CSRNP2: variants seen among roughly 807,000 people sequenced by gnomAD.
The protein encoded by CSRNP2 is cysteine and serine rich nuclear protein 2.
In CSRNP2, 11 loss-of-function variants were observed where a neutral mutation model predicts 36.6. The observed-to-expected ratio is 0.30, with a 90% CI of 0.19 to 0.50. The LOEUF (loss-of-function observed/expected upper bound fraction) is 0.50, where lower values mean the gene tolerates loss of function less well. CSRNP2 is among the 20% of genes least tolerant of loss of function. The pLI, the probability that CSRNP2 is intolerant of heterozygous loss-of-function variation, is 0.98. For missense variants in CSRNP2, 483 were observed against 691.4 expected, an observed-to-expected ratio of 0.70 and a Z score of 3.38; for synonymous variants, 248 against 275.3, an observed-to-expected ratio of 0.90 and a Z score of 0.98.
chr12:51,075,995 G>A (rs1939382503), intron 2 of CSRNP2, among the ~76,000 whole-genome samples: 1 of 152,102 alleles, frequency 6.6e-6, no homozygotes, highest in South Asian at 2.1e-4. Context: ...AGGTTGCAGT[G>A]AGCTGAGATC....
chr12:51,076,106 A>G (rs1349878434), intron 2 of CSRNP2, among the ~76,000 whole-genome samples: 1 of 152,180 alleles, frequency 6.6e-6, no homozygotes, highest in Non-Finnish European at 1.5e-5. Flanking sequence ...AAGCATTTAT[A>G]TCCTGCTACA....
chr12:51,079,144 G>A (rs1361767083), intron 1 of CSRNP2, among the ~76,000 whole-genome samples: 13 of 152,004 alleles, frequency 8.6e-5, no homozygotes, highest in African/African-American at 2.7e-4. Flanking sequence ...AACACCGCAC[G>A]TTCTCACTCA....
At chr12:51,082,665 G>T (rs1234113789) in intron 1 of CSRNP2, 2 of 152,134 alleles carry the variant, frequency 1.3e-5, no homozygotes, top group Non-Finnish European at 2.9e-5. Context: ...CACTAAAAGG[G>T]ACGGGTGGCA....
At chr12:51,072,682 G>C (rs186400037) in intron 3 of CSRNP2, among the ~76,000 whole-genome samples, 1 of 149,646 alleles carries the variant, frequency 6.7e-6, no homozygotes, top group East Asian at 2.1e-4. Flanking sequence ...GGCAGGCACA[G>C]TATTATACAA....
At chr12:51,080,351 TCCACGGTCTTAAC>T (rs1939593679) in intron 1 of CSRNP2, among the ~76,000 whole-genome samples, 1 of 152,142 alleles carries the variant, frequency 6.6e-6, no homozygotes, top group Non-Finnish European at 1.5e-5. Flanking sequence ...ACTACAATTC[TCCACGGTCTTAAC>T]CCAGCTGCCC....
chr12:51,066,032 ACAAGGGGCCAGG>A (rs947628870), intron 4 of CSRNP2, among the ~76,000 whole-genome samples: 16 of 152,218 alleles, frequency 1.1e-4, no homozygotes, highest in African/African-American at 3.9e-4. Context: ...CAGAGGGCCA[ACAAGGGGCCAGG>A]CACGGTGGCT....
At position 51,064,532 on chromosome 12, in the gene CSRNP2, C is replaced by T. The variant is rs1421373067; in HGVS notation, c.846G>A (p.Arg282=). The change falls in exon 5 of 5, where the codon CGG becomes CGA. Residue 282 remains arginine, a synonymous_variant. Coordinates refer to ENST00000228515, the MANE Select transcript of CSRNP2 (RefSeq NM_030809.3). ...CTGGGGCTGCTGGGCGGCTCACCTG[C>T]CGCTTGCTCTCCAGCTCCAGCTTCA... The part of the protein sequence containing the change: ...TIMKLELESK[R]QVSRPAAPDE... The T allele has an allele frequency of 3.1e-6, 5 of 1,613,428 alleles. No homozygotes were observed. Among genetic ancestry groups the T allele is most frequent in the Middle Eastern group, 1.7e-4 (1 of 6,058 alleles).
At chr12:51,073,779 G>T (rs756203931) in intron 3 of CSRNP2, 44 bp downstream of exon 3, 2 of 1,560,814 alleles carry the variant, frequency 1.3e-6, no homozygotes, top group Non-Finnish European at 1.7e-6. Flanking sequence ...GAACCTAAAT[G>T]GTTTCCTACA....
chr12:51,068,030 C>T (rs1938572584), intron 3 of CSRNP2, 61 bp from the exon 4 acceptor site: 1 of 1,504,028 alleles, frequency 6.6e-7, no homozygotes, highest in Non-Finnish European at 9.2e-7. Context: ...TCCTCAGTGA[C>T]CATCCCAGAG....
Position 51,064,012 on chromosome 12 carries a change from CAG to C in CSRNP2, c.1364_1365del (p.Pro455ArgfsTer8). 1.2e-6 allele frequency: 2 copies of C among 1,614,196 alleles called. No homozygotes were observed. Among genetic ancestry groups the C allele is most frequent in the South Asian group, 1.1e-5 (1 of 91,084 alleles). ...KEKDLNVFSLPVTSLVACSST... is the reference protein window; with the variant it reads ...KEKDLNVFSLXVTSLVACSST... Reference sequence around the variant, plus strand: ...GAGCTACAAGCCACGAGTGAGGTAACAGGGAGAGAGAAGACATTCAGATCCTT... The same window carrying C: ...GAGCTACAAGCCACGAGTGAGGTAACGGAGAGAGAAGACATTCAGATCCTT... On this transcript the variant is annotated frameshift_variant, in exon 5 of 5. Coordinates refer to ENST00000228515, the MANE Select transcript of CSRNP2 (RefSeq NM_030809.3). LOFTEE classifies it high-confidence loss of function.
Position 51,063,769 on chromosome 12 carries a change from A to T in CSRNP2, c.1609T>A (p.Leu537Ile), listed in dbSNP as rs1199028991. The change falls in exon 5 of 5, where the codon TTA (leucine) becomes ATA (isoleucine). Residue 537 changes from leucine (L) to isoleucine (I), a missense_variant. By Grantham distance (5) the Leu-to-Ile change is conservative. Coordinates refer to ENST00000228515, the MANE Select transcript of CSRNP2 (RefSeq NM_030809.3). Reference sequence around the variant, plus strand: ...TGTCACACTGCCAGAGGGAGTTCTAAGGAAGAATCTTCAGGGGGCCGATCC... The same window carrying T: ...TGTCACACTGCCAGAGGGAGTTCTATGGAAGAATCTTCAGGGGGCCGATCC... ...NEDRPPEDSSLELPLAV is the reference protein window; with the variant it reads ...NEDRPPEDSSIELPLAV 1.3e-6 allele frequency: 2 copies of T among 1,574,302 alleles called. No homozygotes were observed. The highest frequency in any genetic ancestry group is 1.2e-5 in the South Asian group (1 of 86,108).
At position 51,067,150 on chromosome 12, in the gene CSRNP2, G is replaced by A. The variant is rs1009968798; in HGVS notation, c.708+523C>T. ...CCAGTCCTGCTTCCTTTTATCTCAAGGAATCAGTATTTAGGAAACAGTATT... is the reference window on the plus strand; with the variant it reads ...CCAGTCCTGCTTCCTTTTATCTCAAAGAATCAGTATTTAGGAAACAGTATT... On this transcript the variant is annotated intron_variant, in intron 4 of 4. Transcript: ENST00000228515. This position sits in a 1 kb window ranked among gnomAD's most constrained non-coding sequence, Gnocchi z 4.1. 1.3e-5 allele frequency among the ~76,000 whole-genome samples: 2 copies of A among 151,510 alleles called. No individual in the cohort carries two copies. Among genetic ancestry groups the A allele is most frequent in the Non-Finnish European group, 2.9e-5 (2 of 67,902 alleles).
intron 2 of CSRNP2, among the ~76,000 whole-genome samples, chr12:51,075,822 G>A (rs971390061): frequency 2.6e-5 from 4 of 152,168 alleles, no homozygotes; most frequent in Non-Finnish European, 4.4e-5. Context: ...GCCGAGGCGG[G>A]TGGGTCACCT....
intron 1 of CSRNP2, among the ~76,000 whole-genome samples, chr12:51,080,831 G>A (rs1322853051): frequency 6.6e-6 from 1 of 152,134 alleles, no homozygotes; most frequent in Non-Finnish European, 1.5e-5. Flanking sequence ...ATATGAACTC[G>A]ACTTTTAGAT....
intron 4 of CSRNP2, among the ~76,000 whole-genome samples, chr12:51,064,913 T>C (rs192573367): frequency 2.0e-5 from 3 of 152,322 alleles, no homozygotes; most frequent in Non-Finnish European, 4.4e-5. Flanking sequence ...GAATCATTTA[T>C]CTCTCTAGGG....
At chr12:51,076,769 C>G in intron 1 of CSRNP2, 122 bp from the exon 2 acceptor site, 1 of 558,544 alleles carries the variant, frequency 1.8e-6, no homozygotes, top group Non-Finnish European at 3.2e-6. Context: ...CTCAATATTA[C>G]GTTCTTTCTC....
At position 51,064,000 on chromosome 12, in the gene CSRNP2, C is replaced by G; in HGVS notation, c.1378G>C (p.Val460Leu). The change falls in exon 5 of 5, where the codon GTG becomes CTG. Residue 460 changes from valine (V) to leucine (L), a missense_variant. Coordinates refer to ENST00000228515, the MANE Select transcript of CSRNP2 (RefSeq NM_030809.3). Reference sequence around the variant, plus strand: ...GCTGGGTCTGTGGAGCTACAAGCCACGAGTGAGGTAACAGGGAGAGAGAAG... The same window carrying G: ...GCTGGGTCTGTGGAGCTACAAGCCAGGAGTGAGGTAACAGGGAGAGAGAAG... ...NVFSLPVTSLVACSSTDPAAL... is the reference protein window; with the variant it reads ...NVFSLPVTSLLACSSTDPAAL... 6.2e-7 allele frequency: 1 copy of G among 1,614,138 alleles called. No individual in the cohort carries two copies. The highest frequency in any genetic ancestry group is 8.5e-7 in the Non-Finnish European group (1 of 1,179,982).
At chr12:51,066,254 A>C (rs980085533) in intron 4 of CSRNP2, among the ~76,000 whole-genome samples, 1 of 152,100 alleles carries the variant, frequency 6.6e-6, no homozygotes, top group African/African-American at 2.4e-5. Context: ...AGAGATCGAG[A>C]CCATCCTGGC....
chr12:51,076,268 G>C (rs761632401), intron 2 of CSRNP2, 143 bp downstream of exon 2: 26 of 839,694 alleles, frequency 3.1e-5, no homozygotes, highest in Non-Finnish European at 4.4e-5. Context: ...TCTACGGTAT[G>C]AGAGAAATGA....
Sources: allele counts gnomAD v4.1 joint callset (sites outside exome capture counted in the v4.1 genomes callset), GRCh38; gene constraint gnomAD v4.1.1; non-coding constraint Gnocchi (gnomAD v3.1); transcripts MANE v1.5; gene names NCBI Gene and HGNC (gene_info 2026-07-23, HGNC 2026-07-21).